SEC14L5: variants seen among roughly 807,000 people sequenced by gnomAD.
SEC14L5 encodes the protein SEC14-like protein 5.
SEC14L5 carries 96 observed loss-of-function variants against 84.6 expected under a neutral mutation model. The observed-to-expected ratio is 1.13, with a 90% CI of 0.96 to 1.34. The LOEUF (loss-of-function observed/expected upper bound fraction) is 1.34, where lower values mean the gene tolerates loss of function less well. Among genes scored for constraint, SEC14L5 ranks in the 40% most tolerant of loss-of-function variants. The pLI is 0.00. For synonymous variants in SEC14L5, 546 were observed against 383.4 expected (o/e 1.42, Z -4.95); for missense variants, 1,224 against 942.5 (o/e 1.30, Z -3.91).
At chr16:4,983,236 A>T (rs1369657969) in intron 2 of SEC14L5, among the ~76,000 whole-genome samples, 1 of 151,132 alleles carries the variant, frequency 6.6e-6, no homozygotes, top group Non-Finnish European at 1.5e-5. Context: ...CTGGTCTCAA[A>T]CTCCTGACCT....
intron 4 of SEC14L5, 39 bp from the exon 5 acceptor site, chr16:4,990,728 G>A (rs201745548): frequency 6.0e-5 from 94 of 1,572,078 alleles, no homozygotes; most frequent in Middle Eastern, 3.7e-4. Flanking sequence ...GGGTGCCCCC[G>A]ACATTGAGTC....
intron 6 of SEC14L5, among the ~76,000 whole-genome samples, chr16:4,993,110 G>C (rs182019108): frequency 1.3e-5 from 2 of 152,014 alleles, no homozygotes; most frequent in African/African-American, 2.4e-5. Flanking sequence ...TGGTGCAATC[G>C]TGTCTCTCTG....
At chr16:5,006,345 C>A (rs1391113713) in intron 12 of SEC14L5, among the ~76,000 whole-genome samples, 1 of 152,230 alleles carries the variant, frequency 6.6e-6, no homozygotes, top group Non-Finnish European at 1.5e-5. Flanking sequence ...CTTACGCATT[C>A]TATATTCCCA....
At chr16:5,009,493 T>G (rs1465632282) in intron 14 of SEC14L5, among the ~76,000 whole-genome samples, 1 of 151,780 alleles carries the variant, frequency 6.6e-6, no homozygotes, top group Non-Finnish European at 1.5e-5. Context: ...CCAACTAACT[T>G]TTGTATTTTT....
intron 4 of SEC14L5, among the ~76,000 whole-genome samples, chr16:4,990,524 G>A (rs1298914645): frequency 6.6e-6 from 1 of 152,228 alleles, no homozygotes; most frequent in African/African-American, 2.4e-5. Context: ...GGGCAGGGCT[G>A]CAGATTTGAG....
chr16:5,008,640 A>G lies in SEC14L5; in HGVS notation c.1792A>G (p.Ser598Gly), dbSNP rs1363364282. The G allele has an allele frequency of 6.2e-7, 1 of 1,607,026 alleles. No individual in the cohort carries two copies. Among genetic ancestry groups the G allele is most frequent in the Non-Finnish European group, 8.5e-7 (1 of 1,178,126 alleles). The change falls in exon 14 of 16, where the codon AGC becomes GGC. Residue 598 changes from serine to glycine, a missense_variant. Ser to Gly is a moderately conservative substitution (Grantham distance 56). Transcript: ENST00000251170. ...TCCCCTTGTCTGCCGGGAGGGGGAGAGCATCCAGGTTTGCATTTTCTGGAC... is the reference window on the plus strand; with the variant it reads ...TCCCCTTGTCTGCCGGGAGGGGGAGGGCATCCAGGTTTGCATTTTCTGGAC... ...EAPLVCREGE[S>G]IQGSHVTRWP...
chr16:4,971,391 C>T (rs761896635), intron 2 of SEC14L5, among the ~76,000 whole-genome samples: 10 of 151,194 alleles, frequency 6.6e-5, no homozygotes, highest in Admixed American at 4.0e-4. Context: ...GCCAGGAGGT[C>T]GAGGCTGCAG....
Position 5,005,878 on chromosome 16 carries a change from A to C in SEC14L5, c.1303-36A>C, listed in dbSNP as rs1486796578. On this transcript the variant is annotated intron_variant, in intron 11 of 15. Transcript: ENST00000251170. ...GACTCCGTCTCAAAAAAAAAAAAAA[A>C]AAAACCATCCATCTTGCCTTATGTC... 13 of 1,509,050 alleles carry C rather than the reference A, an allele frequency of 8.6e-6. No homozygotes were observed. In the East Asian group the frequency reaches 2.0e-4, roughly 23 times the overall value. 93.5% of individuals were successfully genotyped at this position (1,509,050 alleles called of 1,614,324 possible).
chr16:4,971,913 C>T (rs1297400140), intron 2 of SEC14L5, among the ~76,000 whole-genome samples: 1 of 152,170 alleles, frequency 6.6e-6, no homozygotes, highest in African/African-American at 2.4e-5. Context: ...ATGAAACCTA[C>T]ATAGAGACGG....
intron 2 of SEC14L5, among the ~76,000 whole-genome samples, chr16:4,968,545 C>G (rs62036176): frequency 0.4 from 61,386 of 152,148 alleles, 12,956 homozygotes; most frequent in Non-Finnish European, 0.47. Flanking sequence ...CATGCTAGTC[C>G]GAAATTCCTG....
intron 6 of SEC14L5, among the ~76,000 whole-genome samples, chr16:4,992,623 A>G (rs536537025): frequency 6.6e-6 from 1 of 152,348 alleles, no homozygotes; most frequent in South Asian, 2.1e-4. Flanking sequence ...TGGTTTTACT[A>G]TTTACTAACT....
chr16:4,959,089 T>C (rs1336220104), intron 1 of SEC14L5, among the ~76,000 whole-genome samples, 184 bp from the exon 2 acceptor site: 1 of 150,576 alleles, frequency 6.6e-6, no homozygotes, highest in African/African-American at 2.4e-5. Context: ...TCTGGGGCCA[T>C]GGCTAATGAC....
intron 2 of SEC14L5, among the ~76,000 whole-genome samples, chr16:4,975,897 C>T (rs1235381491): frequency 2.0e-5 from 3 of 152,092 alleles, no homozygotes; most frequent in African/African-American, 7.2e-5. Context: ...GAAGGGAGAG[C>T]ATTGGGCTGG....
Position 5,016,958 on chromosome 16 carries a change from TA to T in SEC14L5, c.*1990del, listed in dbSNP as rs1169779003. ...GATTGGAAGGAGACGTTCTCAAAAC[TA>T]ATTGCTCCCATATCACCAGGCATTT... On this transcript the variant is annotated 3_prime_UTR_variant, in exon 16 of 16. Transcript: ENST00000251170. 1 of 152,254 alleles carries T rather than the reference TA, an allele frequency of 6.6e-6. No homozygotes were observed. Among genetic ancestry groups the T allele is most frequent in the Non-Finnish European group, 1.5e-5 (1 of 68,048 alleles). The allele number at this position is 152,254 out of a possible 1,614,324, so 9.4% of individuals were successfully genotyped here.
intron 14 of SEC14L5, among the ~76,000 whole-genome samples, chr16:5,010,558 C>T (rs556222089): frequency 5.9e-5 from 9 of 152,216 alleles, no homozygotes; most frequent in South Asian, 4.2e-4. Context: ...TCGATCTCAC[C>T]GAAGTTCCCG....
chr16:4,963,302 T>C lies in SEC14L5; in HGVS notation c.63+3916T>C, dbSNP rs138639694. ...CTCTCCAAATCCCTTCCCACGAATTTTGCTTCTAAAGAGAAGGATTCTAGG... is the reference window on the plus strand; with the variant it reads ...CTCTCCAAATCCCTTCCCACGAATTCTGCTTCTAAAGAGAAGGATTCTAGG... On this transcript the variant is annotated intron_variant, in intron 2 of 15. Transcript: ENST00000251170. Among the ~76,000 whole-genome samples the C allele has an allele frequency of 1.7e-4, 26 of 152,296 alleles. No homozygotes were observed. The East Asian group carries it at 5.0e-3, about 29-fold the overall frequency.
intron 2 of SEC14L5, among the ~76,000 whole-genome samples, chr16:4,972,885 C>A (rs779098068): frequency 6.6e-6 from 1 of 152,146 alleles, no homozygotes; most frequent in Non-Finnish European, 1.5e-5. Flanking sequence ...TGGCATTGTC[C>A]CTTTAATTGC....
chr16:5,006,185 T>A, intron 12 of SEC14L5, 137 bp downstream of exon 12: 1 of 831,310 alleles, frequency 1.2e-6, no homozygotes, highest in Non-Finnish European at 1.9e-6. Flanking sequence ...AGGGCAGGTC[T>A]TGCTGGCTCT....
Position 5,019,073 on chromosome 16 carries a change from A to AGCCTGTG in SEC14L5, c.*4109_*4115dup, listed in dbSNP as rs1955905357. On this transcript the variant is annotated 3_prime_UTR_variant, in exon 16 of 16. Transcript: ENST00000251170. ...AAAAGACTTTAGAGCTAGCTTGTTC[A>AGCCTGTG]GCCTGTGGCCTGCAGGCTGCACGCG... The AGCCTGTG allele has an allele frequency of 6.6e-6, 1 of 152,358 alleles. No individual in the cohort carries two copies. The highest frequency in any genetic ancestry group is 2.4e-5 in the African/African-American group (1 of 41,584). The allele number at this position is 152,358 out of a possible 1,614,324, so 9.4% of individuals were successfully genotyped here. A position where few individuals can be genotyped will look rare whatever the true frequency, so the allele number is the denominator to read the frequency against.
Sources: allele counts gnomAD v4.1 joint callset (sites outside exome capture counted in the v4.1 genomes callset), GRCh38; gene constraint gnomAD v4.1.1; transcripts MANE v1.5; gene names NCBI Gene and HGNC (gene_info 2026-07-23, HGNC 2026-07-21).